Variants in GFRA2 observed in about 807,000 individuals in gnomAD.
GFRA2 encodes GDNF family receptor alpha-2.
Under a neutral mutation model 48.3 loss-of-function variants are expected in GFRA2, and 17 were observed. The observed-to-expected ratio is 0.35, with a 90% CI of 0.24 to 0.53. GFRA2 has a LOEUF of 0.53. Among genes scored for constraint, GFRA2 ranks in the 20% least tolerant of loss-of-function variants. The pLI, the probability that GFRA2 is intolerant of heterozygous loss-of-function variation, is 0.93. For missense variants in GFRA2, 660 were observed against 637.3 expected (o/e 1.04, Z -0.38); for synonymous variants, 305 against 257.2 (o/e 1.19, Z -1.78).
chr8:21,740,133 T>G (rs1804679022), intron 4 of GFRA2, among the ~76,000 whole-genome samples: 1 of 152,094 alleles, frequency 6.6e-6, no homozygotes, highest in South Asian at 2.1e-4. Flanking sequence ...ACTTGCCCAG[T>G]GTGATGACAG....
At chr8:21,765,255 G>A (rs36127381) in intron 3 of GFRA2, among the ~76,000 whole-genome samples, 38,350 of 151,636 alleles carry the variant, frequency 0.25, 5,545 homozygotes, top group African/African-American at 0.39. Flanking sequence ...AGGACCACCC[G>A]CATGTGCCAC....
At chr8:21,793,798 A>G (rs1807620038), upstream of GFRA2, among the ~76,000 whole-genome samples, 1 of 151,832 alleles carries the variant, frequency 6.6e-6, no homozygotes, top group African/African-American at 2.4e-5. Flanking sequence ...CCCCTTCACA[A>G]CACCTAAGAT....
chr8:21,746,920 G>A (rs570458625), intron 4 of GFRA2, among the ~76,000 whole-genome samples: 1 of 152,214 alleles, frequency 6.6e-6, no homozygotes. Flanking sequence ...GGCCTGGTAG[G>A]AGCTGTCCAC....
At chr8:21,737,373 A>G (rs909482909) in intron 4 of GFRA2, among the ~76,000 whole-genome samples, 2 of 151,972 alleles carry the variant, frequency 1.3e-5, no homozygotes, top group Non-Finnish European at 2.9e-5. Context: ...CGTCTCAAAA[A>G]AAAAAAGGGG....
chr8:21,768,273 A>C (rs1806276104), intron 3 of GFRA2, among the ~76,000 whole-genome samples: 2 of 152,224 alleles, frequency 1.3e-5, no homozygotes, highest in African/African-American at 4.8e-5. Context: ...TTAGAAGAAG[A>C]ATGTGATTTT....
intron 2 of GFRA2, among the ~76,000 whole-genome samples, chr8:21,776,582 C>G (rs1427051057): frequency 6.6e-6 from 1 of 151,862 alleles, no homozygotes; most frequent in African/African-American, 2.4e-5. Context: ...GCGATCCTCC[C>G]ACCTCAGCCT....
intron 2 of GFRA2, among the ~76,000 whole-genome samples, chr8:21,797,262 T>C (rs1391335123): frequency 1.4e-5 from 2 of 147,910 alleles, no homozygotes; most frequent in East Asian, 4.9e-4. Context: ...GAGTGGCCTT[T>C]CTTTCTTTTT....
At chr8:21,700,334 G>C (rs1802410487) in intron 7 of GFRA2, among the ~76,000 whole-genome samples, 1 of 152,256 alleles carries the variant, frequency 6.6e-6, no homozygotes. Flanking sequence ...AGGGAGGCAG[G>C]GCTGCCCAGA....
At chr8:21,803,745 A>G (rs1308934089) in intron 2 of GFRA2, among the ~76,000 whole-genome samples, 1 of 152,254 alleles carries the variant, frequency 6.6e-6, no homozygotes, top group East Asian at 1.9e-4. Flanking sequence ...TGATCCTCCC[A>G]CTTCAGCCTC....
chr8:21,737,720 C>T (rs945287657), intron 4 of GFRA2, among the ~76,000 whole-genome samples: 2 of 152,146 alleles, frequency 1.3e-5, no homozygotes, highest in African/African-American at 2.4e-5. Context: ...CCCTCTGGTC[C>T]CCGCCGCAGG....
At chr8:21,777,590 C>T (rs1156728369) in intron 2 of GFRA2, among the ~76,000 whole-genome samples, 3 of 152,204 alleles carry the variant, frequency 2.0e-5, no homozygotes, top group Non-Finnish European at 4.4e-5. Context: ...TCTTCACCTT[C>T]GGACCAAAGA....
chr8:21,712,692 G>A (rs1336592703), intron 4 of GFRA2, among the ~76,000 whole-genome samples: 2 of 152,090 alleles, frequency 1.3e-5, no homozygotes, highest in South Asian at 4.1e-4. Context: ...CCGAGATCAC[G>A]CCACTGCACT....
intron 3 of GFRA2, among the ~76,000 whole-genome samples, chr8:21,774,032 A>G (rs1806565209): frequency 6.6e-6 from 1 of 152,196 alleles, no homozygotes; most frequent in African/African-American, 2.4e-5. Context: ...AGAACATTTC[A>G]GACTGCCACA....
At chr8:21,756,069 G>A (rs1805554239) in intron 3 of GFRA2, among the ~76,000 whole-genome samples, 1 of 152,200 alleles carries the variant, frequency 6.6e-6, no homozygotes, top group South Asian at 2.1e-4. Flanking sequence ...ACAACAGGAG[G>A]GACCCCAGAG....
chr8:21,705,692 C>CT (rs1356189849), intron 5 of GFRA2, among the ~76,000 whole-genome samples: 6 of 152,244 alleles, frequency 3.9e-5, no homozygotes, highest in African/African-American at 1.4e-4. Flanking sequence ...TGCTTCTTTT[C>CT]TCAAAAGCTT....
chr8:21,719,267 C>T (rs56988084), intron 4 of GFRA2, among the ~76,000 whole-genome samples: 11,442 of 152,042 alleles, frequency 0.075, 1,419 homozygotes, highest in African/African-American at 0.26. Context: ...CCCAAGTCCA[C>T]GTGGATCTTC....
At chr8:21,788,080 T>C in intron 1 of GFRA2, 40 bp downstream of exon 1, 1 of 1,073,310 alleles carries the variant, frequency 9.3e-7, no homozygotes. Context: ...CTCCCCGGCT[T>C]CTCGCCTCCC....
At chr8:21,804,130 C>A (rs1338280084) in intron 2 of GFRA2, among the ~76,000 whole-genome samples, 1 of 152,090 alleles carries the variant, frequency 6.6e-6, no homozygotes. Context: ...CTCCAAAAAT[C>A]ATTCGCTTTA....
rs1006802814 is a variant in GFRA2 at position 21,749,955 on chromosome 8, G to A, written c.794+633C>T. On this transcript the variant is annotated intron_variant, in intron 4 of 8. Transcript: ENST00000524240. ...TAGCGCAGAGCCTAGAACATAGTAA[G>A]TGCTTACCAACATAGTAGCCTCATT... is the stretch of plus-strand genomic sequence containing the variant. Among the ~76,000 whole-genome samples the A allele has an allele frequency of 6.6e-5, 10 of 152,138 alleles. 1 individual carries two copies. Among genetic ancestry groups the A allele is most frequent in the East Asian group, 1.9e-4 (1 of 5,192 alleles).
Sources: gnomAD v4.1 joint callset for allele counts (sites outside exome capture counted in the v4.1 genomes callset) on GRCh38, gnomAD v4.1.1 for gene constraint, MANE v1.5 for transcripts, NCBI Gene and HGNC (gene_info 2026-07-23, HGNC 2026-07-21) for gene names.